Variants in NCAPD3 observed in about 807,000 individuals in gnomAD.
NCAPD3 encodes the protein non-SMC condensin II complex subunit D3, also known as condensin-2 complex subunit D3.
Under a neutral mutation model 182.9 loss-of-function variants are expected in NCAPD3, and 105 were observed. That is an observed-to-expected ratio of 0.57 (90% confidence interval 0.49 to 0.68). The LOEUF is 0.68. Among genes scored for constraint, NCAPD3 ranks in the 30% least tolerant of loss-of-function variants. The probability of loss-of-function intolerance (pLI) is 0.00; values close to 1 mark genes in which losing one functional copy is unlikely to be tolerated. For missense variants in NCAPD3, 1,944 were observed against 1,837.0 expected, an observed-to-expected ratio of 1.06 and a Z score of -1.07; for synonymous variants, 815 against 679.9, an observed-to-expected ratio of 1.20 and a Z score of -3.09.
At chr11:134,159,780 G>A in intron 29 of NCAPD3, 112 bp downstream of exon 29, 1 of 1,209,546 alleles carries the variant, frequency 8.3e-7, no homozygotes, top group South Asian at 1.5e-5. Flanking sequence ...GAGGCCTTCG[G>A]GCTGACTAAC....
At chr11:134,163,694 G>A (rs537994588) in intron 27 of NCAPD3, among the ~76,000 whole-genome samples, 6 of 120,212 alleles carry the variant, frequency 5.0e-5, no homozygotes, top group South Asian at 5.4e-4. Context: ...GTGTGATACT[G>A]TGTCTCAAAA....
At chr11:134,154,754 TCAGAGCGCTCCC>T (rs1233320996) in intron 32 of NCAPD3, among the ~76,000 whole-genome samples, 3 of 152,234 alleles carry the variant, frequency 2.0e-5, no homozygotes, top group Admixed American at 6.5e-5. Flanking sequence ...GGAGGCAGCT[TCAGAGCGCTCCC>T]CGTTCTCCAC....
chr11:134,217,722 T>C (rs1206939395), intron 2 of NCAPD3, among the ~76,000 whole-genome samples: 1 of 152,234 alleles, frequency 6.6e-6, no homozygotes, highest in Non-Finnish European at 1.5e-5. Context: ...ATATGGTTTA[T>C]CCTTGAGTAT....
Position 134,185,097 on chromosome 11 carries a change from G to C in NCAPD3, c.2238-97C>G, listed in dbSNP as rs1170424332. 10 of 1,070,572 alleles carry C rather than the reference G, an allele frequency of 9.3e-6. No individual in the cohort carries two copies. The Admixed American group carries it at 1.2e-4, about 13-fold the overall frequency. The allele number at this position is 1,070,572 out of a possible 1,614,324, so 66.3% of individuals were successfully genotyped here. On this transcript the variant is annotated intron_variant, in intron 17 of 34. Coordinates refer to ENST00000534548, the MANE Select transcript of NCAPD3 (RefSeq NM_015261.3). Reference sequence around the variant, plus strand: ...TGGATTAATAACACTGGAGGAAGCAGGGTAGGTAGCATGGCTTAGGAGTCA... The same window carrying C: ...TGGATTAATAACACTGGAGGAAGCACGGTAGGTAGCATGGCTTAGGAGTCA...
At chr11:134,156,910 C>T in intron 32 of NCAPD3, 108 bp downstream of exon 32, 1 of 970,298 alleles carries the variant, frequency 1.0e-6, no homozygotes. Context: ...TGGTTCTGAC[C>T]ATCAGAACTA....
At chr11:134,185,255 A>G in intron 17 of NCAPD3, 80 bp downstream of exon 17, 3 of 1,297,526 alleles carry the variant, frequency 2.3e-6, no homozygotes, top group Non-Finnish European at 3.1e-6. Flanking sequence ...ATAGCTATGA[A>G]AAAGCTCACT....
At chr11:134,222,737 T>C (rs981967767) in intron 1 of NCAPD3, among the ~76,000 whole-genome samples, 5 of 152,216 alleles carry the variant, frequency 3.3e-5, no homozygotes, top group African/African-American at 9.6e-5. Flanking sequence ...GTAAGAGTTT[T>C]GCCAGGCAAA....
intron 25 of NCAPD3, 85 bp downstream of exon 25, chr11:134,168,832 C>T: frequency 6.6e-7 from 1 of 1,505,502 alleles, no homozygotes; most frequent in Non-Finnish European, 9.0e-7. Flanking sequence ...TGCGTCCAAT[C>T]ACTACATGCA....
intron 24 of NCAPD3, chr11:134,173,333 T>C (rs1038163551): frequency 3.2e-5 from 5 of 154,250 alleles, no homozygotes; most frequent in African/African-American, 1.2e-4. Context: ...ATACCACAGA[T>C]GGATGAAGGC....
At chr11:134,195,666 G>A (rs749296429) in intron 13 of NCAPD3, among the ~76,000 whole-genome samples, 22 of 151,954 alleles carry the variant, frequency 1.4e-4, no homozygotes, top group African/African-American at 1.9e-4. Flanking sequence ...AGGATCAACT[G>A]AGCCCAGGAG....
chr11:134,202,184 C>T (rs1001611172), intron 13 of NCAPD3, among the ~76,000 whole-genome samples: 2 of 152,176 alleles, frequency 1.3e-5, no homozygotes, highest in Admixed American at 6.5e-5. Context: ...TAATCCTCTA[C>T]GTACATGCTC....
chr11:134,223,822 C>T (rs756768262), intron 1 of NCAPD3, 41 bp downstream of exon 1: 4 of 1,598,742 alleles, frequency 2.5e-6, no homozygotes, highest in African/African-American at 2.7e-5. Context: ...CGCATAGGAC[C>T]CTCGCCCTGG....
At chr11:134,198,013 CCA>C in intron 13 of NCAPD3, among the ~76,000 whole-genome samples, 1 of 152,288 alleles carries the variant, frequency 6.6e-6, no homozygotes, top group East Asian at 1.9e-4. Flanking sequence ...CAACATCATT[CCA>C]CAGACTGTAA....
At chr11:134,169,585 G>A (rs1943957126) in intron 24 of NCAPD3, among the ~76,000 whole-genome samples, 1 of 152,210 alleles carries the variant, frequency 6.6e-6, no homozygotes, top group African/African-American at 2.4e-5. Context: ...CCTCTGCAAA[G>A]CAACTGACTC....
In NCAPD3 at chr11:134,161,799, T is replaced by C. The variant is rs1943588754; in HGVS notation, c.3666A>G (p.Glu1222=). The part of the protein sequence containing the change: ...LEKNKIPALR[E]LMHYLREVMQ... ...CCCTTACCCTGAGATAGTGCATGAG[T>C]TCCCGCAAAGCTGGGATCTTATTTT... Residue 1222 remains glutamate (E), a synonymous_variant, in exon 28 of 35, where the codon GAA becomes GAG. Transcript: ENST00000534548. The C allele has an allele frequency of 1.3e-6, 2 of 1,574,550 alleles. No homozygotes were observed. The highest frequency in any genetic ancestry group is 1.7e-6 in the Non-Finnish European group (2 of 1,147,558).
intron 19 of NCAPD3, 151 bp downstream of exon 19, chr11:134,184,486 T>C (rs1334273161): frequency 2.4e-5 from 14 of 583,844 alleles, no homozygotes; most frequent in East Asian, 5.9e-5. Flanking sequence ...TTGCTAGTTA[T>C]GTAAACCTTG....
upstream of NCAPD3, chr11:134,225,261 T>G (rs753649611): frequency 6.8e-6 from 11 of 1,613,978 alleles, no homozygotes; most frequent in Non-Finnish European, 7.6e-6. Context: ...GGAGACGGTC[T>G]CCGGGAAGGT....
chr11:134,168,357 G>C, intron 26 of NCAPD3, 112 bp downstream of exon 26: 1 of 1,522,882 alleles, frequency 6.6e-7, no homozygotes, highest in Non-Finnish European at 9.1e-7. Flanking sequence ...CAAGATGACA[G>C]GGGTCTTCCT....
In NCAPD3 at chr11:134,161,910, A is replaced by T. The variant is rs1341667319; in HGVS notation, c.3574-19T>A. Reference sequence around the variant, plus strand: ...TCTGAACCTGGTAACACAAACAAAGACATGTTTTAGATGTATGAACTTCTG... The same window carrying T: ...TCTGAACCTGGTAACACAAACAAAGTCATGTTTTAGATGTATGAACTTCTG... On this transcript the variant is annotated intron_variant, in intron 27 of 34. Transcript: ENST00000534548. 26 of 1,354,826 alleles carry T rather than the reference A, an allele frequency of 1.9e-5. No homozygotes were observed. Among genetic ancestry groups the T allele is most frequent in the Non-Finnish European group, 2.7e-5 (26 of 971,544 alleles). 83.9% of individuals were successfully genotyped at this position (1,354,826 alleles called of 1,614,324 possible).
Sources: gnomAD v4.1 joint callset for allele counts (sites outside exome capture counted in the v4.1 genomes callset) on GRCh38, gnomAD v4.1.1 for gene constraint, MANE v1.5 for transcripts, NCBI Gene and HGNC (gene_info 2026-07-23, HGNC 2026-07-21) for gene names.